HIF1AN: variants seen among roughly 807,000 people sequenced by gnomAD.
HIF1AN encodes hypoxia inducible factor 1 subunit alpha inhibitor, also known as hypoxia-inducible factor 1-alpha inhibitor.
A neutral mutation model predicts 47.7 loss-of-function variants in HIF1AN; 21 were observed. That is an observed-to-expected ratio of 0.44 (90% CI 0.31 to 0.63). The LOEUF is 0.63. Among genes scored for constraint, HIF1AN ranks in the 30% least tolerant of loss-of-function variants. The pLI is 0.07. For missense variants in HIF1AN, 320 were observed against 432.7 expected (o/e 0.74, Z 2.31); for synonymous variants, 152 against 155.9 (o/e 0.98, Z 0.18).
rs1852221093 is a variant in HIF1AN, at chr10:100,536,348, G to T, written c.178-63G>T. 3 of 1,586,120 alleles carry T rather than the reference G, an allele frequency of 1.9e-6. No homozygotes were observed. In the Admixed American group the frequency reaches 5.1e-5, roughly 27 times the overall value. ...TTGAGAAGTAGTTGGGATCATGGAGGCCAACCCACCGGCTCCTTGGCATTA... is the reference window on the plus strand; with the variant it reads ...TTGAGAAGTAGTTGGGATCATGGAGTCCAACCCACCGGCTCCTTGGCATTA... On this transcript the variant is annotated intron_variant, in intron 1 of 7. Transcript: ENST00000299163.
At chr10:100,545,269 GA>G in intron 4 of HIF1AN, 173 bp downstream of exon 4, 1 of 618,284 alleles carries the variant, frequency 1.6e-6, no homozygotes, top group Non-Finnish European at 2.7e-6. Context: ...AGGCTCCCTG[GA>G]GTGGCCACCA....
chr10:100,537,645 C>T (rs1254539957), intron 2 of HIF1AN, among the ~76,000 whole-genome samples: 1 of 152,226 alleles, frequency 6.6e-6, no homozygotes, highest in Non-Finnish European at 1.5e-5. Context: ...AGACAGTATT[C>T]AGTCCCACAC....
intron 3 of HIF1AN, among the ~76,000 whole-genome samples, chr10:100,542,842 A>ATT (rs1186242124): frequency 2.7e-5 from 3 of 112,804 alleles, no homozygotes; most frequent in African/African-American, 3.6e-5. Context: ...AAATATGTGA[A>ATT]TGTGTTTTTT....
chr10:100,545,947 A>T lies in HIF1AN; in HGVS notation c.728A>T (p.Asp243Val), dbSNP rs760718121. Residue 243 changes from aspartate to valine, a missense_variant, in exon 5 of 8, where the codon GAC (aspartate) becomes GTC (valine). Coordinates refer to ENST00000299163, the MANE Select transcript of HIF1AN (RefSeq NM_017902.3). The part of the protein sequence containing the change: ...HHPCDRQSQV[D>V]FDNPDYERFP... ...TCTTTCTCTTGAACCTCTTAGGTGG[A>T]CTTTGACAATCCCGACTACGAGAGG... is the stretch of plus-strand genomic sequence containing the variant. 1 of 1,610,716 alleles carries T rather than the reference A, an allele frequency of 6.2e-7. No homozygotes were observed.
intron 6 of HIF1AN, 111 bp from the exon 7 acceptor site, chr10:100,547,029 C>A: frequency 1.3e-6 from 1 of 775,256 alleles, no homozygotes; most frequent in Non-Finnish European, 2.1e-6. Context: ...CCTGAGTCAC[C>A]GTGCCCGGCA....
chr10:100,549,064 GCGTGTGTGTGTGTGTGTC>G lies in HIF1AN; in HGVS notation c.*945_*962del, dbSNP rs1371036287. 2 of 104,082 alleles carry G rather than the reference GCGTGTGTGTGTGTGTGTC, an allele frequency of 1.9e-5. No homozygotes were observed. The highest frequency in any genetic ancestry group is 2.4e-4 in the East Asian group (1 of 4,150). 6.4% of individuals were successfully genotyped at this position (104,082 alleles called of 1,614,324 possible). A position where few individuals can be genotyped will look rare whatever the true frequency, so the allele number is the denominator to read the frequency against. On this transcript the variant is annotated 3_prime_UTR_variant, in exon 8 of 8. Coordinates refer to ENST00000299163, the MANE Select transcript of HIF1AN (RefSeq NM_017902.3). ...TCTGGGTGTGTGTGTGTGTGTGCGT[GCGTGTGTGTGTGTGTGTC>G]CGTGTGTGTGTGTGTGTGTGTCCAC...
chr10:100,554,265 A>G lies in HIF1AN; in HGVS notation c.*6128A>G, dbSNP rs1179853255. ...TACCTGGAGAAGCTGTTGTCTCCTC[A>G]CACCATGAAATGTAATAGCAGTCAA... is the stretch of plus-strand genomic sequence containing the variant. On this transcript the variant is annotated 3_prime_UTR_variant, in exon 8 of 8. Coordinates refer to ENST00000299163, the MANE Select transcript of HIF1AN (RefSeq NM_017902.3). The G allele has an allele frequency of 6.6e-6, 1 of 152,176 alleles. No homozygotes were observed. Among genetic ancestry groups the G allele is most frequent in the Non-Finnish European group, 1.5e-5 (1 of 68,066 alleles). The allele number at this position is 152,176 out of a possible 1,614,324, so 9.4% of individuals were successfully genotyped here.
chr10:100,548,056 C>T (rs1252537169), intron 7 of HIF1AN, 37 bp from the exon 8 acceptor site: 1 of 1,607,436 alleles, frequency 6.2e-7, no homozygotes, highest in Non-Finnish European at 8.5e-7. Context: ...GGCCAGGGAA[C>T]AGCCAGTTCT....
In HIF1AN at chr10:100,540,764, C is replaced by T. The variant is rs776394729; in HGVS notation, c.559C>T (p.Leu187=). ...RGWGQLTSNL[L]LIGMEGNVTP... ...CTGGGGGCAGCTTACCTCTAACCTG[C>T]TGCTCATTGGCATGGAAGGTAAGAA... Residue 187 remains leucine, a synonymous_variant, in exon 3 of 8, where the codon CTG becomes TTG. Coordinates refer to ENST00000299163, the MANE Select transcript of HIF1AN (RefSeq NM_017902.3). The T allele has an allele frequency of 4.4e-6, 7 of 1,609,088 alleles. No individual in the cohort carries two copies. The highest frequency in any genetic ancestry group is 5.9e-6 in the Non-Finnish European group (7 of 1,178,748).
Position 100,536,476 on chromosome 10 carries a change from G to T in HIF1AN, c.243G>T (p.Leu81=). 1 of 1,614,110 alleles carries T rather than the reference G, an allele frequency of 6.2e-7. No individual in the cohort carries two copies. The highest frequency in any genetic ancestry group is 8.5e-7 in the Non-Finnish European group (1 of 1,180,010). ...CCCTGAAATGGGACCTTGAATACCT[G>T]CAAGAGAATATTGGCAATGGAGACT... is the stretch of plus-strand genomic sequence containing the variant. ...YPALKWDLEY[L]QENIGNGDFS... The change falls in exon 2 of 8, where the codon CTG becomes CTT. Residue 81 remains leucine, a synonymous_variant. Transcript: ENST00000299163.
Position 100,555,921 on chromosome 10 carries a change from G to A in HIF1AN, c.*7784G>A, listed in dbSNP as rs1350573068. On this transcript the variant is annotated 3_prime_UTR_variant, in exon 8 of 8. Transcript: ENST00000299163. ...GGTTGAGAGTGGAGTCTGCATACCT[G>A]GATCTGCCATTCTGCATGACTTTGG... The A allele has an allele frequency of 6.6e-6, 1 of 151,388 alleles. No homozygotes were observed. The highest frequency in any genetic ancestry group is 2.4e-5 in the African/African-American group (1 of 40,932). The allele number at this position is 151,388 out of a possible 1,614,324, so 9.4% of individuals were successfully genotyped here. A position where few individuals can be genotyped will look rare whatever the true frequency, so the allele number is the denominator to read the frequency against.
rs1046145803 is a variant in HIF1AN at position 100,536,541 on chromosome 10, A to G, written c.308A>G (p.Tyr103Cys). Residue 103 changes from tyrosine (Y) to cysteine (C), a missense_variant, in exon 2 of 8, where the codon TAT (tyrosine) becomes TGT (cysteine). Around this residue, in one of 2 missense-constraint regions of HIF1AN, gnomAD observed 159 missense variants for 159.9 expected, o/e 0.99. Transcript: ENST00000299163. The stretch of plus-strand genomic sequence containing the variant: ...GCCAGCACCCACAAGTTCTTGTACT[A>G]TGATGAGAAGAAGATGGCCAATTTC... ...YSASTHKFLY[Y>C]DEKKMANFQN... 4 of 1,614,106 alleles carry G rather than the reference A, an allele frequency of 2.5e-6. No homozygotes were observed. Among genetic ancestry groups the G allele is most frequent in the African/African-American group, 1.3e-5 (1 of 74,940 alleles).
rs761358661 is a variant in HIF1AN, at chr10:100,551,151, T to C, written c.*3014T>C. The C allele has an allele frequency of 1.3e-5, 2 of 152,180 alleles. No homozygotes were observed. The highest frequency in any genetic ancestry group is 2.9e-5 in the Non-Finnish European group (2 of 68,040). 9.4% of individuals were successfully genotyped at this position (152,180 alleles called of 1,614,324 possible). A position where few individuals can be genotyped will look rare whatever the true frequency, so the allele number is the denominator to read the frequency against. On this transcript the variant is annotated 3_prime_UTR_variant, in exon 8 of 8. Transcript: ENST00000299163. Reference sequence around the variant, plus strand: ...TCTGGGGTTGGAGGAGGGGCTGTTCTGGGCATCAGTTGAGCAGATGCCCAG... The same window carrying C: ...TCTGGGGTTGGAGGAGGGGCTGTTCCGGGCATCAGTTGAGCAGATGCCCAG...
chr10:100,540,836 A>C (rs1429048433), intron 3 of HIF1AN, 54 bp downstream of exon 3: 1 of 1,487,876 alleles, frequency 6.7e-7, no homozygotes, highest in Non-Finnish European at 9.0e-7. Context: ...CCTGATTTCT[A>C]ATCCTGTCTT....
At chr10:100,540,548 T>C in intron 2 of HIF1AN, 86 bp from the exon 3 acceptor site, 1 of 1,474,172 alleles carries the variant, frequency 6.8e-7, no homozygotes, top group Non-Finnish European at 9.3e-7. Context: ...TGGTATGGAT[T>C]TGGGCTTGGA....
Position 100,536,564 on chromosome 10 carries a change from T to G in HIF1AN, c.331T>G (p.Phe111Val), listed in dbSNP as rs753834948. 1 of 1,614,192 alleles carries G rather than the reference T, an allele frequency of 6.2e-7. No individual in the cohort carries two copies. The highest frequency in any genetic ancestry group is 8.5e-7 in the Non-Finnish European group (1 of 1,180,036). ...CTATGATGAGAAGAAGATGGCCAAT[T>G]TCCAGAACTTTAAGCCGAGGTCCAA... Reference protein sequence around the residue: ...LYYDEKKMANFQNFKPRSNRE... With the variant: ...LYYDEKKMANVQNFKPRSNRE... Residue 111 changes from phenylalanine (F) to valine (V), a missense_variant, in exon 2 of 8, where the codon TTC becomes GTC. Coordinates refer to ENST00000299163, the MANE Select transcript of HIF1AN (RefSeq NM_017902.3).
chr10:100,557,778 T>G lies in HIF1AN; in HGVS notation c.*9641T>G, dbSNP rs1843226365. The G allele has an allele frequency of 6.9e-6, 1 of 145,792 alleles. No homozygotes were observed. The highest frequency in any genetic ancestry group is 1.5e-5 in the Non-Finnish European group (1 of 66,450). 9.0% of individuals were successfully genotyped at this position (145,792 alleles called of 1,614,324 possible). ...TTAATAGGTCCTCTTATGTGGCTAT[T>G]GAGAATGAATGAGACAACTCATTAA... On this transcript the variant is annotated 3_prime_UTR_variant, in exon 8 of 8. Transcript: ENST00000299163.
intron 3 of HIF1AN, among the ~76,000 whole-genome samples, chr10:100,544,221 A>G (rs1022862438): frequency 6.6e-6 from 1 of 152,218 alleles, no homozygotes; most frequent in African/African-American, 2.4e-5. Flanking sequence ...CTCTTCAGTC[A>G]TCTGATATTC....
intron 3 of HIF1AN, among the ~76,000 whole-genome samples, chr10:100,543,563 A>T (rs1843066703): frequency 6.6e-6 from 1 of 151,886 alleles, no homozygotes; most frequent in African/African-American, 2.4e-5. Flanking sequence ...AGAAAGAGCC[A>T]GTTCTGGTTT....
Sources: gnomAD v4.1 joint callset for allele counts (sites outside exome capture counted in the v4.1 genomes callset) on GRCh38, gnomAD v4.1.1 for gene constraint, gnomAD v4.1.1 regional missense constraint, MANE v1.5 for transcripts, NCBI Gene and HGNC (gene_info 2026-07-23, HGNC 2026-07-21) for gene names.